The following NPHP1 variants were observed in gnomAD, a reference collection of about 807,000 sequenced individuals.
NPHP1 encodes the protein nephrocystin-1.
In NPHP1, 70 loss-of-function variants were observed where a neutral mutation model predicts 90.4. The ratio of observed to expected loss-of-function variants is 0.77; its 90% CI spans 0.64 to 0.95. NPHP1 has a LOEUF of 0.95. Ranked by LOEUF, NPHP1 falls within the 40% of genes least tolerant of loss-of-function variation. The pLI, the probability that NPHP1 is intolerant of heterozygous loss-of-function variation, is 0.00. For synonymous variants in NPHP1, 256 were observed against 271.7 expected (o/e 0.94, Z 0.57); for missense variants, 764 against 795.9 (o/e 0.96, Z 0.48).
intron 11 of NPHP1, among the ~76,000 whole-genome samples, chr2:110,157,677 T>A (rs1682010756): frequency 6.6e-6 from 1 of 152,060 alleles, no homozygotes; most frequent in African/African-American, 2.4e-5. Flanking sequence ...ATCACCAAGC[T>A]TCGTTGATTT....
intron 4 of NPHP1, among the ~76,000 whole-genome samples, chr2:110,172,606 C>A (rs995298460): frequency 6.6e-6 from 1 of 152,138 alleles, no homozygotes; most frequent in Admixed American, 6.5e-5. Context: ...TATAGTGAGA[C>A]CCTGCCTCTA....
In NPHP1 at chr2:110,176,441, G is replaced by A. The variant is rs1321730558; in HGVS notation, c.329+1982C>T. Among the ~76,000 whole-genome samples, 4 of 151,974 alleles carry A rather than the reference G, an allele frequency of 2.6e-5. No individual in the cohort carries two copies. The East Asian group carries it at 7.7e-4, about 29-fold the overall frequency. ...CTATATCTGGATCATATCTGGGTCT[G>A]TTTTTAGTGACCATCTTGTCACTTA... On this transcript the variant is annotated intron_variant, in intron 4 of 19. Coordinates refer to ENST00000445609, the MANE Select transcript of NPHP1 (RefSeq NM_001128178.3).
intron 2 of NPHP1, among the ~76,000 whole-genome samples, chr2:110,194,660 T>G (rs984983882): frequency 5.5e-4 from 83 of 152,192 alleles, no homozygotes; most frequent in African/African-American, 1.6e-3. Context: ...CATTTTATGA[T>G]GCCAGCATCA....
chr2:110,154,888 T>C (rs1158262261), intron 11 of NPHP1, among the ~76,000 whole-genome samples: 1 of 152,024 alleles, frequency 6.6e-6, no homozygotes, highest in East Asian at 1.9e-4. Context: ...TGAGGAGAAA[T>C]TCAAGCCGGC....
intron 2 of NPHP1, 117 bp from the exon 3 acceptor site, chr2:110,179,801 T>C (rs1436361632): frequency 1.8e-6 from 1 of 556,992 alleles, no homozygotes; most frequent in Non-Finnish European, 3.2e-6. Context: ...GTATGAACAA[T>C]ACTAAAAAAC....
intron 19 of NPHP1, chr2:110,124,320 C>T: frequency 1.8e-6 from 1 of 554,712 alleles, no homozygotes; most frequent in Non-Finnish European, 3.2e-6. Context: ...GTCTCCTAAG[C>T]TCCATGGAGG....
chr2:110,174,353 T>C (rs1683362985), intron 4 of NPHP1, among the ~76,000 whole-genome samples: 1 of 152,206 alleles, frequency 6.6e-6, no homozygotes, highest in African/African-American at 2.4e-5. Context: ...CATTTTATTG[T>C]GTTGTTTCAC....
At chr2:110,195,848 C>G (rs1685128832) in intron 2 of NPHP1, among the ~76,000 whole-genome samples, 1 of 152,016 alleles carries the variant, frequency 6.6e-6, no homozygotes, top group Non-Finnish European at 1.5e-5. Context: ...GAAATAATGC[C>G]ATATATCTGC....
chr2:110,125,652 T>C lies in NPHP1; in HGVS notation c.1746A>G (p.Leu582=), dbSNP rs750343090. The part of the protein sequence containing the change: ...RSSWAGKEST[L]KRSEKRDKEF... ...CATATTTTACCTTCTCTGATCTTTT[T>C]AATGTGCTTTCTTTTCCAGCCCACG... The change falls in exon 19 of 20, where the codon TTA becomes TTG. Residue 582 remains leucine (L), a synonymous_variant. Coordinates refer to ENST00000445609, the MANE Select transcript of NPHP1 (RefSeq NM_001128178.3). 2.5e-6 allele frequency: 4 copies of C among 1,613,340 alleles called. No individual in the cohort carries two copies. Among genetic ancestry groups the C allele is most frequent in the East Asian group, 4.5e-5 (2 of 44,878 alleles).
At chr2:110,147,436 T>TATACC (rs1307645233) in intron 13 of NPHP1, among the ~76,000 whole-genome samples, 1 of 152,146 alleles carries the variant, frequency 6.6e-6, no homozygotes, top group Admixed American at 6.5e-5. Flanking sequence ...TATCAAGCTA[T>TATACC]TATTAGTATG....
intron 12 of NPHP1, 45 bp downstream of exon 12, chr2:110,150,137 C>G: frequency 1.5e-6 from 2 of 1,332,220 alleles, no homozygotes; most frequent in South Asian, 2.3e-5. Flanking sequence ...TGAATATGTT[C>G]TACTTTGAAA....
intron 2 of NPHP1, among the ~76,000 whole-genome samples, chr2:110,188,622 A>G (rs1684457338): frequency 6.6e-6 from 1 of 152,018 alleles, no homozygotes; most frequent in Non-Finnish European, 1.5e-5. Context: ...TTCCCATCAA[A>G]CTTCCATTGA....
chr2:110,166,031 C>A (rs1475726440), intron 6 of NPHP1, among the ~76,000 whole-genome samples: 21 of 152,130 alleles, frequency 1.4e-4, no homozygotes, highest in Admixed American at 1.3e-3. Flanking sequence ...ACAGTAAATG[C>A]ACATTAAACC....
chr2:110,164,655 C>G, intron 8 of NPHP1, 33 bp downstream of exon 8: 3 of 1,613,884 alleles, frequency 1.9e-6, no homozygotes, highest in Non-Finnish European at 2.5e-6. Context: ...GGTAGCAAAA[C>G]GAGACATGAT....
At chr2:110,183,142 G>A (rs1328869661) in intron 2 of NPHP1, among the ~76,000 whole-genome samples, 2 of 152,130 alleles carry the variant, frequency 1.3e-5, no homozygotes, top group Non-Finnish European at 2.9e-5. Flanking sequence ...GTTGGGAAGA[G>A]ACCCCGAAAT....
chr2:110,135,348 G>A (rs1680095186), intron 16 of NPHP1, among the ~76,000 whole-genome samples: 1 of 151,010 alleles, frequency 6.6e-6, no homozygotes, highest in South Asian at 2.1e-4. Context: ...GTGTTGGCAG[G>A]CGCCTGTAGT....
chr2:110,164,487 CAAA>C (rs376683260), intron 8 of NPHP1, 198 bp downstream of exon 8: 94 of 883,408 alleles, frequency 1.1e-4, no homozygotes, highest in East Asian at 3.5e-4. Context: ...TCTTTTTGTA[CAAA>C]AAAAAAAAAA....
intron 16 of NPHP1, among the ~76,000 whole-genome samples, chr2:110,133,512 A>T (rs2104443816): frequency 6.6e-6 from 1 of 152,214 alleles, no homozygotes. Flanking sequence ...GAAGATCAAT[A>T]ACACTGTAGA....
chr2:110,141,711 GC>G (rs1483360005), intron 16 of NPHP1, among the ~76,000 whole-genome samples: 2 of 152,064 alleles, frequency 1.3e-5, no homozygotes, highest in African/African-American at 4.8e-5. Flanking sequence ...GGTGGCTCAA[GC>G]CTGTAATCCT....
Sources: gnomAD v4.1 joint callset for allele counts (sites outside exome capture counted in the v4.1 genomes callset) on GRCh38, gnomAD v4.1.1 for gene constraint, MANE v1.5 for transcripts, NCBI Gene and HGNC (gene_info 2026-07-23, HGNC 2026-07-21) for gene names.